JARID2: variants seen among roughly 807,000 people sequenced by gnomAD.
The protein encoded by JARID2 is protein Jumonji.
JARID2 carries 21 observed loss-of-function variants against 125.6 expected under a neutral mutation model. The observed-to-expected ratio is 0.17, with a 90% CI of 0.12 to 0.24. The LOEUF (loss-of-function observed/expected upper bound fraction) is 0.24, where lower values mean the gene tolerates loss of function less well. Ranked by LOEUF, JARID2 falls within the 10% of genes least tolerant of loss-of-function variation. JARID2 has a pLI of 1.00. For missense variants in JARID2, 1,303 were observed against 1,639.6 expected (o/e 0.79, Z 3.55); for synonymous variants, 736 against 661.6 (o/e 1.11, Z -1.73).
chr6:15,309,913 C>G (rs1455435381), intron 1 of JARID2, among the ~76,000 whole-genome samples: 1 of 151,982 alleles, frequency 6.6e-6, no homozygotes, highest in African/African-American at 2.4e-5. Flanking sequence ...TAAGGCTTAT[C>G]TATATTTTCT....
At chr6:15,366,959 T>C (rs955796046) in intron 1 of JARID2, among the ~76,000 whole-genome samples, 5 of 150,800 alleles carry the variant, frequency 3.3e-5, no homozygotes, top group African/African-American at 1.0e-4. Flanking sequence ...TTTGGAGATA[T>C]GGTTAAAAAA....
chr6:15,365,462 C>T (rs1581461259), intron 1 of JARID2, among the ~76,000 whole-genome samples: 2 of 152,104 alleles, frequency 1.3e-5, no homozygotes, highest in African/African-American at 2.4e-5. Flanking sequence ...TTGACGACGG[C>T]GGATGTCTGA....
chr6:15,371,793 T>G (rs1305478705), intron 1 of JARID2, among the ~76,000 whole-genome samples: 1 of 152,220 alleles, frequency 6.6e-6, no homozygotes, highest in East Asian at 1.9e-4. Flanking sequence ...TGGCTTCTCT[T>G]AGCCTTCATG....
intron 2 of JARID2, among the ~76,000 whole-genome samples, chr6:15,405,885 C>G (rs988318184): frequency 2.0e-5 from 3 of 152,176 alleles, no homozygotes; most frequent in Non-Finnish European, 4.4e-5. Context: ...ACCTGGCCCT[C>G]CTGGATTGGG....
intron 3 of JARID2, among the ~76,000 whole-genome samples, chr6:15,421,124 C>CT (rs1242725835): frequency 6.6e-6 from 1 of 152,112 alleles, no homozygotes; most frequent in Non-Finnish European, 1.5e-5. Context: ...TCTGCTTGCC[C>CT]TTTCCGTAAC....
intron 2 of JARID2, among the ~76,000 whole-genome samples, chr6:15,407,884 T>A (rs1440325276): frequency 6.6e-6 from 1 of 152,212 alleles, no homozygotes; most frequent in African/African-American, 2.4e-5. Flanking sequence ...GTTAAGTAAA[T>A]TAATGGATAA....
chr6:15,442,385 T>A (rs1463424341), intron 3 of JARID2, among the ~76,000 whole-genome samples: 1 of 152,222 alleles, frequency 6.6e-6, no homozygotes, highest in East Asian at 1.9e-4. Context: ...TCACTCCTTG[T>A]AACTACAACA....
At chr6:15,277,213 G>A (rs1427993530) in intron 1 of JARID2, among the ~76,000 whole-genome samples, 1 of 152,196 alleles carries the variant, frequency 6.6e-6, no homozygotes, top group Non-Finnish European at 1.5e-5. Context: ...GTGGCCTGAA[G>A]TAGCACGCAG....
At chr6:15,362,167 C>T (rs1763821786) in intron 1 of JARID2, among the ~76,000 whole-genome samples, 1 of 151,768 alleles carries the variant, frequency 6.6e-6, no homozygotes, top group African/African-American at 2.4e-5. Context: ...GAATTACAGA[C>T]ATGAGCTGCC....
At chr6:15,431,062 T>TG (rs1233997721) in intron 3 of JARID2, among the ~76,000 whole-genome samples, 61 of 152,346 alleles carry the variant, frequency 4.0e-4, no homozygotes, top group African/African-American at 1.3e-3. Context: ...TTGTGTAATG[T>TG]GGACTGGCAC....
At position 15,496,449 on chromosome 6, in the gene JARID2, G is replaced by T; in HGVS notation, c.1224G>T (p.Lys408Asn). 6.2e-7 allele frequency: 1 copy of T among 1,613,750 alleles called. No homozygotes were observed. Among genetic ancestry groups the T allele is most frequent in the Non-Finnish European group, 8.5e-7 (1 of 1,179,852 alleles). The change falls in exon 7 of 18, where the codon AAG (lysine) becomes AAT (asparagine). Residue 408 changes from lysine (K) to asparagine (N), a missense_variant. This residue lies in a region of JARID2 where 651 missense variants were observed against 581.6 expected (regional missense o/e 1.12). Coordinates refer to ENST00000341776, the MANE Select transcript of JARID2 (RefSeq NM_004973.4). ...KSTGPAVNGL[K>N]VSGRLNPKSC... Reference sequence around the variant, plus strand: ...CTGGGCCCGCCGTCAATGGCCTCAAGGTCAGTGGCAGGTTGAACCCAAAGT... The same window carrying T: ...CTGGGCCCGCCGTCAATGGCCTCAATGTCAGTGGCAGGTTGAACCCAAAGT...
At chr6:15,426,803 A>G (rs1317823914) in intron 3 of JARID2, among the ~76,000 whole-genome samples, 1 of 152,216 alleles carries the variant, frequency 6.6e-6, no homozygotes, top group Non-Finnish European at 1.5e-5. Flanking sequence ...GGAGGTCAGG[A>G]GATTTTACCA....
intron 2 of JARID2, among the ~76,000 whole-genome samples, chr6:15,401,427 A>G (rs193221636): frequency 6.6e-6 from 1 of 152,226 alleles, no homozygotes; most frequent in East Asian, 1.9e-4. Context: ...CTTTTATTTT[A>G]TTACCAATTT....
intron 1 of JARID2, among the ~76,000 whole-genome samples, chr6:15,361,051 T>G (rs1429149850): frequency 6.6e-6 from 1 of 152,256 alleles, no homozygotes; most frequent in Non-Finnish European, 1.5e-5. Flanking sequence ...CTTTGGTATT[T>G]TCTCTAAGGT....
intron 2 of JARID2, among the ~76,000 whole-genome samples, chr6:15,375,352 C>T (rs1030467261): frequency 4.6e-5 from 7 of 152,322 alleles, no homozygotes; most frequent in South Asian, 2.1e-4. Flanking sequence ...TCCACCCTCC[C>T]GGGTTTTCTT....
intron 1 of JARID2, among the ~76,000 whole-genome samples, chr6:15,295,279 G>A (rs1761371237): frequency 6.6e-6 from 1 of 151,590 alleles, no homozygotes; most frequent in Non-Finnish European, 1.5e-5. Flanking sequence ...CCGCCAACAC[G>A]CCCGGCTAAT....
intron 3 of JARID2, among the ~76,000 whole-genome samples, chr6:15,432,062 C>A (rs897018801): frequency 3.3e-5 from 5 of 150,582 alleles, no homozygotes; most frequent in Non-Finnish European, 7.4e-5. Flanking sequence ...AGGTTCTTGG[C>A]GTTTTGAACA....
chr6:15,355,450 TCA>T (rs1214903993), intron 1 of JARID2, among the ~76,000 whole-genome samples: 15 of 152,336 alleles, frequency 9.8e-5, no homozygotes, highest in East Asian at 1.9e-4. Flanking sequence ...TAATAATTAT[TCA>T]CACACAGTAT....
rs1007015489 is a variant in JARID2, at chr6:15,455,787, C to G, written c.493+3612C>G. ...AGGTGATCTGCCTGCCTCGGCCTCC[C>G]AAAGTGCTGGGATTACAGGCATGAG... On this transcript the variant is annotated intron_variant, in intron 4 of 17. Transcript: ENST00000341776. Among the ~76,000 whole-genome samples the G allele has an allele frequency of 1.1e-4, 17 of 152,192 alleles. 1 individual carries two copies. The highest frequency in any genetic ancestry group is 2.5e-4 in the Non-Finnish European group (17 of 68,026).
Sources: gnomAD v4.1 joint callset for allele counts (sites outside exome capture counted in the v4.1 genomes callset) on GRCh38, gnomAD v4.1.1 for gene constraint, gnomAD v4.1.1 regional missense constraint, MANE v1.5 for transcripts, NCBI Gene and HGNC (gene_info 2026-07-23, HGNC 2026-07-21) for gene names.